The following NKAIN2 variants were observed in gnomAD, a reference collection of about 807,000 sequenced individuals.
NKAIN2 encodes the protein sodium/potassium transporting ATPase interacting 2, also known as sodium/potassium-transporting ATPase subunit beta-1-interacting protein 2.
In NKAIN2, 14 loss-of-function variants were observed where a neutral mutation model predicts 32.6. The observed-to-expected ratio is 0.43, with a 90% CI of 0.28 to 0.67. The LOEUF is 0.67. NKAIN2 is among the 30% of genes least tolerant of loss of function. The pLI is 0.17. For missense variants in NKAIN2, 198 were observed against 258.3 expected, an observed-to-expected ratio of 0.77 and a Z score of 1.60; for synonymous variants, 80 against 87.2, an observed-to-expected ratio of 0.92 and a Z score of 0.46.
chr6:124,805,515 A>C (rs535840583), intron 5 of NKAIN2, among the ~76,000 whole-genome samples: 1 of 152,246 alleles, frequency 6.6e-6, no homozygotes, highest in East Asian at 1.9e-4. Context: ...CAAAGACCAA[A>C]AGTACATAAA....
intron 1 of NKAIN2, among the ~76,000 whole-genome samples, chr6:124,002,042 G>A (rs1321781177): frequency 2.6e-5 from 4 of 151,792 alleles, no homozygotes; most frequent in Non-Finnish European, 2.9e-5. Context: ...ATACAGAGAC[G>A]AATTCATATG....
At chr6:124,757,798 CTAAAT>C (rs1406070708) in intron 4 of NKAIN2, among the ~76,000 whole-genome samples, 6 of 152,046 alleles carry the variant, frequency 3.9e-5, no homozygotes, top group Non-Finnish European at 8.8e-5. Context: ...TGCCAGGACA[CTAAAT>C]TAAATAGACC....
intron 3 of NKAIN2, among the ~76,000 whole-genome samples, chr6:124,407,755 C>G (rs1773934993): frequency 6.6e-6 from 1 of 151,472 alleles, no homozygotes. Flanking sequence ...GTTCTAGATC[C>G]CTGAGGAATG....
chr6:124,309,062 T>C (rs1319454296), intron 2 of NKAIN2, among the ~76,000 whole-genome samples: 3 of 152,138 alleles, frequency 2.0e-5, no homozygotes, highest in African/African-American at 4.8e-5. Flanking sequence ...AATTTGACTC[T>C]TTTGTTTTGA....
At chr6:124,589,017 G>T (rs991294774) in intron 3 of NKAIN2, among the ~76,000 whole-genome samples, 1 of 151,918 alleles carries the variant, frequency 6.6e-6, no homozygotes, top group African/African-American at 2.4e-5. Context: ...ATTTTTATAA[G>T]GAAGTACATA....
intron 3 of NKAIN2, among the ~76,000 whole-genome samples, chr6:124,535,480 G>A (rs1484154057): frequency 6.6e-6 from 1 of 152,302 alleles, no homozygotes; most frequent in Non-Finnish European, 1.5e-5. Context: ...CAGCTATGGT[G>A]TGGAATCTCT....
intron 1 of NKAIN2, among the ~76,000 whole-genome samples, chr6:124,180,848 G>C (rs552687110): frequency 6.6e-6 from 1 of 152,244 alleles, no homozygotes. Flanking sequence ...GGCTTTTCCA[G>C]GTGCATGGTA....
chr6:124,564,037 A>T (rs1243078272), intron 3 of NKAIN2, among the ~76,000 whole-genome samples: 3 of 152,176 alleles, frequency 2.0e-5, no homozygotes, highest in Non-Finnish European at 4.4e-5. Context: ...TTTCATCTAT[A>T]AAGTTCCTAG....
At chr6:124,768,010 T>C (rs1485939930) in intron 4 of NKAIN2, among the ~76,000 whole-genome samples, 1 of 152,228 alleles carries the variant, frequency 6.6e-6, no homozygotes, top group Non-Finnish European at 1.5e-5. Context: ...ATTAAAGTTA[T>C]GTTAAATTAC....
chr6:124,243,967 T>A (rs1793251411), intron 1 of NKAIN2, among the ~76,000 whole-genome samples: 1 of 152,120 alleles, frequency 6.6e-6, no homozygotes, highest in Non-Finnish European at 1.5e-5. Flanking sequence ...TTTATTGGAA[T>A]CTTCTTTATT....
chr6:124,304,431 C>T (rs1175302225), intron 2 of NKAIN2, among the ~76,000 whole-genome samples: 1 of 151,902 alleles, frequency 6.6e-6, no homozygotes, highest in East Asian at 1.9e-4. Flanking sequence ...GAAAAGCATA[C>T]ATATAGAGGC....
At chr6:124,453,048 A>C (rs1583275799) in intron 3 of NKAIN2, among the ~76,000 whole-genome samples, 1 of 152,114 alleles carries the variant, frequency 6.6e-6, no homozygotes, top group Admixed American at 6.6e-5. Flanking sequence ...GATGCCAAGA[A>C]CAGAGACAGC....
At chr6:123,987,518 A>T (rs1218465262) in intron 1 of NKAIN2, among the ~76,000 whole-genome samples, 1 of 152,162 alleles carries the variant, frequency 6.6e-6, no homozygotes, top group African/African-American at 2.4e-5. Flanking sequence ...TTTTCTGCTC[A>T]GTGTCTTACA....
At chr6:123,840,199 T>C (rs1388935443) in intron 1 of NKAIN2, among the ~76,000 whole-genome samples, 1 of 152,118 alleles carries the variant, frequency 6.6e-6, no homozygotes, top group Non-Finnish European at 1.5e-5. Flanking sequence ...TGTATTTAAT[T>C]ACTACTGTTA....
chr6:124,554,363 T>C lies in NKAIN2; in HGVS notation c.274-103823T>C, dbSNP rs73567571. ...TGTTTTTAAGCCAAAACCTTTTCTA[T>C]TGCATTCTGTGGTATAATGTGAAGT... is the stretch of plus-strand genomic sequence containing the variant. On this transcript the variant is annotated intron_variant, in intron 3 of 6. Transcript: ENST00000368417. Among the ~76,000 whole-genome samples, 896 of 152,340 alleles carry C rather than the reference T, an allele frequency of 5.9e-3. 10 individuals carry two copies. The highest frequency in any genetic ancestry group is 0.021 in the African/African-American group (857 of 41,584).
At chr6:124,583,886 T>C (rs1781613293) in intron 3 of NKAIN2, among the ~76,000 whole-genome samples, 2 of 152,106 alleles carry the variant, frequency 1.3e-5, no homozygotes, top group South Asian at 4.1e-4. Context: ...AGAACATACA[T>C]TGAAGAAAGG....
chr6:124,658,361 A>T lies in NKAIN2; in HGVS notation c.449A>T (p.His150Leu). Reference protein sequence around the residue: ...LLEYQYIEVAHSSLQIVLALA... With the variant: ...LLEYQYIEVALSSLQIVLALA... The stretch of plus-strand genomic sequence containing the variant: ...GAGTACCAGTACATAGAAGTGGCTC[A>T]TAGTTCCCTCCAGATTGTCCTCGCA... Residue 150 changes from histidine (H) to leucine (L), a missense_variant, in exon 4 of 7, where the codon CAT becomes CTT. By Grantham distance (99) the His-to-Leu change is moderately conservative (BLOSUM62 -3). Coordinates refer to ENST00000368417, the MANE Select transcript of NKAIN2 (RefSeq NM_001040214.3). 1 of 1,614,060 alleles carries T rather than the reference A, an allele frequency of 6.2e-7. No homozygotes were observed. Among genetic ancestry groups the T allele is most frequent in the Non-Finnish European group, 8.5e-7 (1 of 1,179,960 alleles).
In NKAIN2 at chr6:124,443,011, A is replaced by G. The variant is rs536926653; in HGVS notation, c.273+87664A>G. On this transcript the variant is annotated intron_variant, in intron 3 of 6. Coordinates refer to ENST00000368417, the MANE Select transcript of NKAIN2 (RefSeq NM_001040214.3). Reference sequence around the variant, plus strand: ...ATGAGTTTGAGCAGTATTCTCAAGTATGGAACTTGCTATGCTCAGAAGATT... The same window carrying G: ...ATGAGTTTGAGCAGTATTCTCAAGTGTGGAACTTGCTATGCTCAGAAGATT... Among the ~76,000 whole-genome samples the G allele has an allele frequency of 6.6e-5, 10 of 152,222 alleles. No individual in the cohort carries two copies. The East Asian group carries it at 1.9e-3, about 29-fold the overall frequency.
At chr6:124,654,490 C>G (rs1411539178) in intron 3 of NKAIN2, among the ~76,000 whole-genome samples, 1 of 151,992 alleles carries the variant, frequency 6.6e-6, no homozygotes, top group Admixed American at 6.6e-5. Context: ...AACTGACCCT[C>G]TGGAGAAATG....
Sources: allele counts gnomAD v4.1 joint callset (sites outside exome capture counted in the v4.1 genomes callset), GRCh38; gene constraint gnomAD v4.1.1; transcripts MANE v1.5; gene names NCBI Gene and HGNC (gene_info 2026-07-23, HGNC 2026-07-21).